The following SPOCK3 variants were observed in gnomAD, a reference collection of about 807,000 sequenced individuals.
SPOCK3 encodes the protein testican-3.
SPOCK3 carries 30 observed loss-of-function variants against 56.6 expected under a neutral mutation model. That is an observed-to-expected ratio of 0.53 (90% CI 0.40 to 0.72). The LOEUF is 0.72. Ranked by LOEUF, SPOCK3 falls within the 30% of genes least tolerant of loss-of-function variation. The probability of loss-of-function intolerance (pLI) is 0.00; values close to 1 mark genes in which losing one functional copy is unlikely to be tolerated. For missense variants in SPOCK3, 527 were observed against 530.0 expected, an observed-to-expected ratio of 0.99 and a Z score of 0.06; for synonymous variants, 196 against 183.3, an observed-to-expected ratio of 1.07 and a Z score of -0.56.
intron 2 of SPOCK3, among the ~76,000 whole-genome samples, chr4:167,192,322 C>A (rs1239469240): frequency 6.9e-6 from 1 of 145,658 alleles, no homozygotes; most frequent in Admixed American, 7.1e-5. Context: ...GAAGTGTTCT[C>A]TCCAAACTTT....
chr4:167,234,314 C>T (rs1198673212), intron 1 of SPOCK3, 136 bp downstream of exon 1: 3 of 795,824 alleles, frequency 3.8e-6, no homozygotes, highest in South Asian at 1.7e-5. Flanking sequence ...CAAGCGTGTC[C>T]CCTCCCCGCA....
intron 6 of SPOCK3, among the ~76,000 whole-genome samples, chr4:166,857,105 CTACAA>C: frequency 6.6e-6 from 1 of 152,286 alleles, no homozygotes; most frequent in East Asian, 1.9e-4. Flanking sequence ...TGTTCTGACT[CTACAA>C]TGGGTAAATG....
At chr4:167,091,600 T>A (rs1027935671) in intron 2 of SPOCK3, among the ~76,000 whole-genome samples, 5 of 152,216 alleles carry the variant, frequency 3.3e-5, no homozygotes, top group African/African-American at 1.2e-4. Flanking sequence ...ATTTATTTAA[T>A]ACCGTGTTGG....
rs565048142 is a variant in SPOCK3 at position 167,046,567 on chromosome 4, T to C, written c.235+15925A>G. On this transcript the variant is annotated intron_variant, in intron 3 of 10. Coordinates refer to ENST00000357545, the MANE Select transcript of SPOCK3 (RefSeq NM_001040159.2). ...GCCACCGGGGTTCAAGTGACTCTCC[T>C]GCCTCAGCCTCCCTAGTAGCTGGGA... Among the ~76,000 whole-genome samples the C allele has an allele frequency of 2.7e-5, 4 of 149,564 alleles. No homozygotes were observed. The South Asian group carries it at 8.6e-4, about 32-fold the overall frequency.
chr4:166,784,916 A>T (rs1740576594), intron 7 of SPOCK3, among the ~76,000 whole-genome samples: 1 of 152,102 alleles, frequency 6.6e-6, no homozygotes, highest in South Asian at 2.1e-4. Context: ...CAAATTGTTA[A>T]AGGGAAAATT....
intron 2 of SPOCK3, among the ~76,000 whole-genome samples, chr4:167,063,082 T>G (rs1470374270): frequency 2.6e-5 from 4 of 151,810 alleles, no homozygotes; most frequent in Admixed American, 6.6e-5. Flanking sequence ...ATCGAATATC[T>G]AAGAAGTTCA....
chr4:166,889,294 G>C (rs1734520646), intron 5 of SPOCK3, 50 bp from the exon 6 acceptor site: 1 of 1,181,450 alleles, frequency 8.5e-7, no homozygotes, highest in African/African-American at 1.6e-5. Context: ...AGTTATATCA[G>C]TAAAACTCAA....
chr4:167,134,822 A>T (rs532493986), intron 2 of SPOCK3, among the ~76,000 whole-genome samples: 1 of 152,228 alleles, frequency 6.6e-6, no homozygotes, highest in African/African-American at 2.4e-5. Flanking sequence ...GTAAAAAGAT[A>T]TAACTATGTA....
In SPOCK3 at chr4:167,000,360, C is replaced by A; in HGVS notation, c.339G>T (p.Arg113Ser). The change falls in exon 4 of 11, where the codon AGG (arginine) becomes AGT (serine). Residue 113 changes from arginine to serine, a missense_variant. By Grantham distance (110) the Arg-to-Ser change is moderately radical (BLOSUM62 -1). Coordinates refer to ENST00000357545, the MANE Select transcript of SPOCK3 (RefSeq NM_001040159.2). ...TTAACAATGTTTACCTGTGTGTAAG[C>A]CTCCGGTGACTAATGCAGACTGCAG... ...SQTAVCISHR[R>S]LTHRMKEAGV... is the part of the protein sequence containing the mutation. 6.4e-7 allele frequency: 1 copy of A among 1,560,464 alleles called. No individual in the cohort carries two copies. The highest frequency in any genetic ancestry group is 8.8e-7 in the Non-Finnish European group (1 of 1,140,392).
At chr4:166,825,731 C>T (rs1745393036) in intron 6 of SPOCK3, among the ~76,000 whole-genome samples, 1 of 152,034 alleles carries the variant, frequency 6.6e-6, no homozygotes, top group Admixed American at 6.6e-5. Context: ...CATAAAACAA[C>T]AGCCTTGGCA....
intron 2 of SPOCK3, among the ~76,000 whole-genome samples, chr4:167,183,321 ATCT>A (rs895538527): frequency 8.5e-5 from 13 of 152,286 alleles, no homozygotes; most frequent in South Asian, 6.2e-4. Context: ...AACCAATATA[ATCT>A]TCTTTCCAAA....
intron 4 of SPOCK3, among the ~76,000 whole-genome samples, chr4:166,932,849 T>C (rs907892811): frequency 1.3e-5 from 2 of 152,112 alleles, no homozygotes; most frequent in African/African-American, 4.8e-5. Context: ...GCAAACTAAA[T>C]TGATTTTAAG....
intron 7 of SPOCK3, among the ~76,000 whole-genome samples, chr4:166,791,578 T>C (rs1741354496): frequency 6.6e-6 from 1 of 152,196 alleles, no homozygotes; most frequent in Non-Finnish European, 1.5e-5. Flanking sequence ...TATAAAATTA[T>C]TCATAACAAG....
intron 3 of SPOCK3, among the ~76,000 whole-genome samples, chr4:167,040,252 A>G (rs1377846242): frequency 1.3e-5 from 2 of 152,122 alleles, no homozygotes; most frequent in Non-Finnish European, 2.9e-5. Context: ...TGATGGTGAA[A>G]AGTAGCGTGT....
intron 4 of SPOCK3, among the ~76,000 whole-genome samples, chr4:166,934,290 C>A (rs1458037721): frequency 6.6e-6 from 1 of 150,760 alleles, no homozygotes; most frequent in East Asian, 2.0e-4. Context: ...GGAGATGGAA[C>A]CATCCTGGCT....
chr4:166,799,530 C>T (rs972365398), intron 6 of SPOCK3, among the ~76,000 whole-genome samples: 2 of 152,054 alleles, frequency 1.3e-5, no homozygotes, highest in Non-Finnish European at 2.9e-5. Flanking sequence ...TTTGCTTGGG[C>T]ATAGGGTGAT....
intron 3 of SPOCK3, among the ~76,000 whole-genome samples, chr4:167,020,287 T>G (rs1346813255): frequency 1.3e-5 from 2 of 152,130 alleles, no homozygotes. Flanking sequence ...TTAAGGCAGA[T>G]GAAGTGCCTA....
intron 5 of SPOCK3, among the ~76,000 whole-genome samples, chr4:166,901,298 G>A (rs1317395020): frequency 6.6e-6 from 1 of 152,004 alleles, no homozygotes; most frequent in South Asian, 2.1e-4. Context: ...AACTGAATTG[G>A]GAAACCTGAG....
At position 166,995,680 on chromosome 4, in the gene SPOCK3, T is replaced by A. The variant is rs1748293829; in HGVS notation, c.350+4669A>T. On this transcript the variant is annotated intron_variant, in intron 4 of 10. Coordinates refer to ENST00000357545, the MANE Select transcript of SPOCK3 (RefSeq NM_001040159.2). ...TGAGCCTCAGTTATGGGCATAATAATGCTTAGTATAAAGCATTAGCATCAC... is the reference window on the plus strand; with the variant it reads ...TGAGCCTCAGTTATGGGCATAATAAAGCTTAGTATAAAGCATTAGCATCAC... 3.9e-5 allele frequency among the ~76,000 whole-genome samples: 6 copies of A among 152,174 alleles called. No individual in the cohort carries two copies. The South Asian group carries it at 1.2e-3, about 32-fold the overall frequency.
Sources: allele counts gnomAD v4.1 joint callset (sites outside exome capture counted in the v4.1 genomes callset), GRCh38; gene constraint gnomAD v4.1.1; transcripts MANE v1.5; gene names NCBI Gene and HGNC (gene_info 2026-07-23, HGNC 2026-07-21).